CAMK4: variants seen among roughly 807,000 people sequenced by gnomAD.
CAMK4 encodes calcium/calmodulin dependent protein kinase IV.
Under a neutral mutation model 44.9 loss-of-function variants are expected in CAMK4, and 22 were observed. The observed-to-expected ratio is 0.49, with a 90% CI of 0.35 to 0.70. The LOEUF (loss-of-function observed/expected upper bound fraction) is 0.70, where lower values mean the gene tolerates loss of function less well. Ranked by LOEUF, CAMK4 falls within the 30% of genes least tolerant of loss-of-function variation. The probability of loss-of-function intolerance (pLI) is 0.01; values close to 1 mark genes in which losing one functional copy is unlikely to be tolerated. For missense variants in CAMK4, 498 were observed against 586.8 expected, an observed-to-expected ratio of 0.85 and a Z score of 1.56; for synonymous variants, 218 against 215.4, an observed-to-expected ratio of 1.01 and a Z score of -0.11.
At chr5:111,383,666 C>A (rs1751496111) in intron 4 of CAMK4, among the ~76,000 whole-genome samples, 1 of 150,786 alleles carries the variant, frequency 6.6e-6, no homozygotes, top group East Asian at 1.9e-4. Flanking sequence ...AGGGTTTCAC[C>A]ATGTTCGCCA....
chr5:111,272,194 G>C (rs1750548479), intron 1 of CAMK4, among the ~76,000 whole-genome samples: 1 of 151,940 alleles, frequency 6.6e-6, no homozygotes, highest in African/African-American at 2.4e-5. Context: ...AGGTGTTATG[G>C]AAATTTTTGT....
At chr5:111,328,455 G>C (rs1004137450) in intron 1 of CAMK4, among the ~76,000 whole-genome samples, 4 of 152,092 alleles carry the variant, frequency 2.6e-5, no homozygotes, top group African/African-American at 9.7e-5. Flanking sequence ...GATGCCTCCA[G>C]CTTTGTTCTT....
chr5:111,245,324 A>G (rs1007352300), intron 1 of CAMK4, among the ~76,000 whole-genome samples: 1 of 152,176 alleles, frequency 6.6e-6, no homozygotes, highest in Non-Finnish European at 1.5e-5. Context: ...GTAAAGCTTT[A>G]AGTTTCTTTA....
At chr5:111,365,324 T>C (rs1272321915) in intron 2 of CAMK4, 3 of 152,204 alleles carry the variant, frequency 2.0e-5, no homozygotes, top group Non-Finnish European at 4.4e-5. Flanking sequence ...TGTGGTTCAG[T>C]TGATGGTAAC....
intron 4 of CAMK4, among the ~76,000 whole-genome samples, chr5:111,386,814 T>A (rs181420356): frequency 3.1e-4 from 48 of 152,382 alleles, no homozygotes; most frequent in African/African-American, 1.1e-3. Context: ...TGGGGAAATG[T>A]ACCACCTTCG....
chr5:111,415,857 A>T (rs961565784), intron 5 of CAMK4, among the ~76,000 whole-genome samples: 6 of 152,234 alleles, frequency 3.9e-5, no homozygotes, highest in Non-Finnish European at 7.3e-5. Flanking sequence ...ATAAAAAACA[A>T]TGCAGTATAA....
intron 5 of CAMK4, among the ~76,000 whole-genome samples, chr5:111,415,882 G>A (rs1473813621): frequency 6.6e-6 from 1 of 152,076 alleles, no homozygotes; most frequent in Non-Finnish European, 1.5e-5. Context: ...TATTTACATA[G>A]CATTTACATT....
rs181901066 is a variant in CAMK4, at chr5:111,449,341, A to T, written c.625+138A>T. 93 of 513,068 alleles carry T rather than the reference A, an allele frequency of 1.8e-4. 1 individual carries two copies. Among genetic ancestry groups the T allele is most frequent in the Non-Finnish European group, 2.5e-4 (72 of 286,146 alleles). The allele number at this position is 513,068 out of a possible 1,614,324, so 31.8% of individuals were successfully genotyped here. On this transcript the variant is annotated intron_variant, in intron 7 of 10. Coordinates refer to ENST00000282356, the MANE Select transcript of CAMK4 (RefSeq NM_001744.6). ...TGTTGCAAATCTCTATGAGGAAGGC[A>T]TACATAAATAATACTCAGATCACTT...
At chr5:111,259,240 C>T (rs1422501051) in intron 1 of CAMK4, among the ~76,000 whole-genome samples, 1 of 152,196 alleles carries the variant, frequency 6.6e-6, no homozygotes, top group Non-Finnish European at 1.5e-5. Context: ...CACTCCCATA[C>T]CTTGGCTTTT....
intron 5 of CAMK4, among the ~76,000 whole-genome samples, chr5:111,406,067 CT>C (rs36066971): frequency 2.0e-5 from 3 of 149,472 alleles, no homozygotes; most frequent in South Asian, 4.2e-4. Context: ...GCATTACATT[CT>C]TTTTTTTTTG....
At chr5:111,361,925 C>G (rs73788838) in intron 2 of CAMK4, among the ~76,000 whole-genome samples, 7,143 of 152,018 alleles carry the variant, frequency 0.047, 579 homozygotes, top group African/African-American at 0.16. Context: ...GATACTTTCT[C>G]TGACTGGGGT....
intron 1 of CAMK4, among the ~76,000 whole-genome samples, chr5:111,328,918 C>T (rs1022373388): frequency 4.6e-5 from 7 of 151,890 alleles, no homozygotes; most frequent in East Asian, 1.9e-4. Context: ...TGGGCTGAGA[C>T]GATGGGGTTT....
At chr5:111,473,223 G>C (rs992240753) in intron 7 of CAMK4, 88 bp from the exon 8 acceptor site, 7 of 890,610 alleles carry the variant, frequency 7.9e-6, no homozygotes, top group Admixed American at 5.3e-5. Flanking sequence ...AAATTGTTTT[G>C]ATGAATTTAT....
intron 2 of CAMK4, among the ~76,000 whole-genome samples, chr5:111,357,064 T>C (rs935385348): frequency 6.6e-6 from 1 of 152,076 alleles, no homozygotes. Context: ...ATTATGACAT[T>C]TAACCCCTTA....
rs1755796272 is a variant in CAMK4, at chr5:111,490,869, A to G, written c.*6403A>G. The G allele has an allele frequency of 6.6e-6, 1 of 152,170 alleles. No individual in the cohort carries two copies. Among genetic ancestry groups the G allele is most frequent in the Non-Finnish European group, 1.5e-5 (1 of 68,038 alleles). The allele number at this position is 152,170 out of a possible 1,614,324, so 9.4% of individuals were successfully genotyped here. On this transcript the variant is annotated 3_prime_UTR_variant, in exon 11 of 11. Coordinates refer to ENST00000282356, the MANE Select transcript of CAMK4 (RefSeq NM_001744.6). ...AAACATAGTAATAGTAGTCCATTCCATGTCCAACAGATGTTGCTGTGTTTC... is the reference window on the plus strand; with the variant it reads ...AAACATAGTAATAGTAGTCCATTCCGTGTCCAACAGATGTTGCTGTGTTTC...
chr5:111,376,316 C>G (rs959132245), intron 3 of CAMK4, among the ~76,000 whole-genome samples: 11 of 151,884 alleles, frequency 7.2e-5, no homozygotes, highest in African/African-American at 2.7e-4. Flanking sequence ...CCATGGTATG[C>G]TCAATCAAGT....
intron 5 of CAMK4, among the ~76,000 whole-genome samples, chr5:111,437,903 T>C (rs1753701990): frequency 6.6e-6 from 1 of 152,128 alleles, no homozygotes; most frequent in South Asian, 2.1e-4. Flanking sequence ...AATGGCCTGA[T>C]TCCCTGTGCT....
chr5:111,471,692 A>G (rs548089108), intron 7 of CAMK4, among the ~76,000 whole-genome samples: 9 of 152,338 alleles, frequency 5.9e-5, no homozygotes, highest in African/African-American at 2.2e-4. Context: ...AAATTCATGC[A>G]TAATTTTTTA....
At chr5:111,460,194 T>G (rs1754591646) in intron 7 of CAMK4, among the ~76,000 whole-genome samples, 3 of 151,950 alleles carry the variant, frequency 2.0e-5, no homozygotes, top group African/African-American at 7.2e-5. Flanking sequence ...GAATTATTAT[T>G]GATTATCATC....
Sources: allele counts gnomAD v4.1 joint callset (sites outside exome capture counted in the v4.1 genomes callset), GRCh38; gene constraint gnomAD v4.1.1; transcripts MANE v1.5; gene names NCBI Gene and HGNC (gene_info 2026-07-23, HGNC 2026-07-21).